The following EDA variants were observed in gnomAD, a reference collection of about 807,000 sequenced individuals.
The protein encoded by EDA is ectodysplasin-A.
Under a neutral mutation model 23.6 loss-of-function variants are expected in EDA, and 2 were observed. The observed-to-expected ratio is 0.08, with a 90% CI of 0.03 to 0.27. The LOEUF is 0.27. Ranked by LOEUF, EDA falls within the 10% of genes least tolerant of loss-of-function variation. EDA has a pLI of 1.00. For missense variants in EDA, 229 were observed against 324.2 expected (o/e 0.71, Z 2.26); for synonymous variants, 131 against 132.0 (o/e 0.99, Z 0.05).
chrX:69,784,117 C>A (rs12393548), intron 1 of EDA, among the ~76,000 whole-genome samples: 2 of 94,840 alleles, frequency 2.1e-5, no homozygotes, highest in African/African-American at 3.7e-5. Flanking sequence ...TCATGTCCTT[C>A]ACCCACTTTT....
intron 3 of EDA, among the ~76,000 whole-genome samples, chrX:70,027,607 G>C (rs895200427): frequency 9.0e-6 from 1 of 111,187 alleles, no homozygotes; most frequent in Non-Finnish European, 1.9e-5. Flanking sequence ...CAGATCACCC[G>C]AAGTCAGGAG....
chrX:69,956,445 G>A (rs776978584), intron 1 of EDA, among the ~76,000 whole-genome samples: 1 of 105,538 alleles, frequency 9.5e-6, no homozygotes, highest in Admixed American at 1.0e-4. Context: ...AGGTTCAGGC[G>A]ATTCTCCTAC....
At chrX:69,927,173 G>A (rs760728181) in intron 1 of EDA, among the ~76,000 whole-genome samples, 1 of 111,619 alleles carries the variant, frequency 9.0e-6, no homozygotes, top group Non-Finnish European at 1.9e-5. Flanking sequence ...GTATTGTTAT[G>A]TGTGAATTTG....
rs1175170918 is a variant in EDA at position 70,033,808 on chromosome X, GGGCCTCAGGCCCCT to G, written c.924+282_924+295del. On this transcript the variant is annotated intron_variant, in intron 7 of 7. Coordinates refer to ENST00000374552, the MANE Select transcript of EDA (RefSeq NM_001399.5). ...CCCTGCCATCTGATTCCCTCCTGCA[GGGCCTCAGGCCCCT>G]GTTTACCCTCTGAGCTGTTTGGCTG... Among the ~76,000 whole-genome samples, 5 of 111,784 alleles carry G rather than the reference GGGCCTCAGGCCCCT, an allele frequency of 4.5e-5. No homozygotes were observed. The Admixed American group carries it at 4.7e-4, about 11-fold the overall frequency.
At chrX:69,900,239 G>C (rs1048893843) in intron 1 of EDA, among the ~76,000 whole-genome samples, 6 of 108,928 alleles carry the variant, frequency 5.5e-5, no homozygotes, top group Non-Finnish European at 1.1e-4. Flanking sequence ...AAACAGTCTA[G>C]ATTCAAATCC....
rs533728007 is a variant in EDA at position 69,895,023 on chromosome X, T to A, written c.397-62004T>A. ...TGGGGTGCTTCCAGCTTTTGCCCAA[T>A]CAGTATGATGTGGCTATGGGTTTGT... On this transcript the variant is annotated intron_variant, in intron 1 of 7. Transcript: ENST00000374552. Among the ~76,000 whole-genome samples, 5 of 111,331 alleles carry A rather than the reference T, an allele frequency of 4.5e-5. No individual in the cohort carries two copies. In the East Asian group the frequency reaches 1.4e-3, roughly 31 times the overall value.
chrX:69,997,028 T>C (rs1366511670), intron 2 of EDA, among the ~76,000 whole-genome samples: 2 of 111,378 alleles, frequency 1.8e-5, no homozygotes, highest in East Asian at 5.6e-4. Context: ...CACCATGAAA[T>C]GGACTAATAC....
chrX:69,793,732 A>T (rs1012033796), intron 1 of EDA, among the ~76,000 whole-genome samples: 1 of 109,939 alleles, frequency 9.1e-6, no homozygotes, highest in African/African-American at 3.3e-5. Context: ...TCAGAATCAA[A>T]ACTACCTATA....
chrX:69,727,155 C>T (rs1016875803), intron 1 of EDA, among the ~76,000 whole-genome samples: 5 of 111,395 alleles, frequency 4.5e-5, no homozygotes, highest in African/African-American at 1.6e-4. Context: ...GTTCGGCTGT[C>T]CGCAGTGAAC....
chrX:69,642,024 A>G (rs368715506), intron 1 of EDA, among the ~76,000 whole-genome samples: 6 of 112,094 alleles, frequency 5.4e-5, no homozygotes, highest in African/African-American at 1.9e-4. Flanking sequence ...AAAGTGTTCA[A>G]TAAGTGTTAG....
chrX:70,021,894 T>A (rs2020038619), intron 2 of EDA, among the ~76,000 whole-genome samples: 1 of 112,276 alleles, frequency 8.9e-6, no homozygotes, highest in African/African-American at 3.2e-5. Flanking sequence ...GGCCTGCTCT[T>A]ATAGTTAGAG....
At chrX:69,887,262 G>T (rs749049589) in intron 1 of EDA, among the ~76,000 whole-genome samples, 5 of 111,164 alleles carry the variant, frequency 4.5e-5, no homozygotes, top group Admixed American at 1.9e-4. Flanking sequence ...AGCCATGATC[G>T]CACCACTGCA....
intron 1 of EDA, among the ~76,000 whole-genome samples, chrX:69,639,851 TCTC>T (rs2147229408): frequency 8.9e-6 from 1 of 112,134 alleles, no homozygotes; most frequent in South Asian, 3.7e-4. Flanking sequence ...ATGAAGTTTT[TCTC>T]CTATATTTTC....
intron 1 of EDA, among the ~76,000 whole-genome samples, chrX:69,811,476 C>T (rs1264830424): frequency 8.9e-6 from 1 of 112,190 alleles, no homozygotes; most frequent in Non-Finnish European, 1.9e-5. Flanking sequence ...CACAGCACAA[C>T]TCATAGTGCA....
At chrX:69,951,892 A>G (rs766854599) in intron 1 of EDA, among the ~76,000 whole-genome samples, 3 of 112,078 alleles carry the variant, frequency 2.7e-5, no homozygotes, top group Non-Finnish European at 5.6e-5. Context: ...CCCTTGAGCA[A>G]AATGCCTGGC....
At chrX:69,648,251 T>C (rs1270733437) in intron 1 of EDA, among the ~76,000 whole-genome samples, 3 of 111,654 alleles carry the variant, frequency 2.7e-5, no homozygotes, top group Admixed American at 9.4e-5. Context: ...GACCCTTCCT[T>C]GTCCAAACCA....
At chrX:69,627,073 G>T (rs1396975403) in intron 1 of EDA, among the ~76,000 whole-genome samples, 2 of 111,331 alleles carry the variant, frequency 1.8e-5, no homozygotes, top group Non-Finnish European at 3.8e-5. Context: ...GAGTCTAGTC[G>T]TATATAATTT....
chrX:69,679,225 A>T (rs900023133), intron 1 of EDA, among the ~76,000 whole-genome samples: 8 of 106,894 alleles, frequency 7.5e-5, no homozygotes, highest in African/African-American at 2.7e-4. Flanking sequence ...TCGGTTTGCC[A>T]GTATTTTATT....
At chrX:69,998,150 A>G (rs1017124496) in intron 2 of EDA, among the ~76,000 whole-genome samples, 1 of 112,155 alleles carries the variant, frequency 8.9e-6, no homozygotes, top group Non-Finnish European at 1.9e-5. Flanking sequence ...AAAGCCACAG[A>G]CACTCAACAC....
Sources: allele counts gnomAD v4.1 joint callset (sites outside exome capture counted in the v4.1 genomes callset), GRCh38; gene constraint gnomAD v4.1.1; transcripts MANE v1.5; gene names NCBI Gene and HGNC (gene_info 2026-07-23, HGNC 2026-07-21).